The following ZNF232 variants were observed in gnomAD, a reference collection of about 807,000 sequenced individuals.
ZNF232 encodes zinc finger protein 232, also known as zinc finger and SCAN domain-containing protein 11.
A neutral mutation model predicts 25.2 loss-of-function variants in ZNF232; 25 were observed. The observed-to-expected ratio is 0.99, with a 90% CI of 0.72 to 1.39. ZNF232 has a LOEUF of 1.39. Ranked by LOEUF, ZNF232 falls within the 40% of genes most tolerant of loss-of-function variation. The pLI, the probability that ZNF232 is intolerant of heterozygous loss-of-function variation, is 0.00. For missense variants in ZNF232, 519 were observed against 520.9 expected (o/e 1.00, Z 0.04); for synonymous variants, 193 against 182.9 (o/e 1.06, Z -0.45).
upstream of ZNF232, chr17:5,114,812 G>A (rs2072491106): frequency 6.6e-6 from 1 of 152,174 alleles, no homozygotes; most frequent in Non-Finnish European, 1.5e-5. Flanking sequence ...CCTGGCAGCA[G>A]TGTGAGACTC....
chr17:5,111,829 G>GCTGCCGCGAATCGCGCCA, exon 1 of ZNF232: 1 of 1,613,780 alleles, frequency 6.2e-7, no homozygotes, highest in Non-Finnish European at 8.5e-7. Context: ...CCATCGGGGC[G>GCTGCCGCGAATCGCGCCA]CTGCCGCGAA....
chr17:5,108,857 G>A, intron 3 of ZNF232, 69 bp downstream of exon 3: 1 of 1,606,610 alleles, frequency 6.2e-7, no homozygotes, highest in Non-Finnish European at 8.5e-7. Context: ...ACCCTTTACA[G>A]GTACTAGGTA....
upstream of ZNF232, among the ~76,000 whole-genome samples, chr17:5,115,551 CAA>C (rs1473380150): frequency 1.4e-5 from 1 of 69,934 alleles, no homozygotes; most frequent in Non-Finnish European, 3.6e-5. Context: ...ACTCCGTCTC[CAA>C]AAACACACAC....
intron 3 of ZNF232, among the ~76,000 whole-genome samples, chr17:5,108,441 G>A (rs7224929): frequency 0.099 from 15,012 of 151,892 alleles, 1,628 homozygotes; most frequent in South Asian, 0.47. Flanking sequence ...AGGAAGAGGT[G>A]GTAAAGGTGA....
chr17:5,109,229 C>T (rs779756714), intron 2 of ZNF232, 165 bp downstream of exon 2: 4 of 1,224,306 alleles, frequency 3.3e-6, no homozygotes, highest in Non-Finnish European at 4.7e-6. Context: ...GTCTCTTTCT[C>T]ATTCAGGGCT....
Position 5,111,792 on chromosome 17 carries a change from A to C in ZNF232, c.23+8T>G. ...GTGGACCTCGGGGAAGCCGCCGCCA[A>C]CACTCACCTCACAGGACCAGGAGGT... is the stretch of plus-strand genomic sequence containing the variant. On this transcript the variant is annotated splice_region_variant and intron_variant, in intron 1 of 3. Coordinates refer to ENST00000575898, the Ensembl canonical transcript of ZNF232. 6.2e-7 allele frequency: 1 copy of C among 1,613,826 alleles called. No homozygotes were observed. Among genetic ancestry groups the C allele is most frequent in the East Asian group, 2.2e-5 (1 of 44,856 alleles).
At chr17:5,106,026 T>C (rs770888012) in exon 4 of ZNF232, 3 of 1,614,188 alleles carry the variant, frequency 1.9e-6, no homozygotes, top group Non-Finnish European at 2.5e-6. Context: ...GTGAATCCTC[T>C]GATGCTGAAC....
intron 1 of ZNF232, chr17:5,111,314 G>C (rs781757939): frequency 9.0e-5 from 15 of 166,180 alleles, no homozygotes. Context: ...TTGGGGTCCT[G>C]AGATTTTATT....
chr17:5,111,922 C>G, upstream of ZNF232: 1 of 1,510,692 alleles, frequency 6.6e-7, no homozygotes, highest in Non-Finnish European at 8.9e-7. Flanking sequence ...CCAGAATCCT[C>G]CTCGCCGCCG....
upstream of ZNF232, chr17:5,112,012 A>G (rs1034652941): frequency 1.2e-4 from 101 of 844,258 alleles, no homozygotes; most frequent in Middle Eastern, 1.2e-3. Context: ...CCTGGACTTG[A>G]GCGGAGCGAG....
chr17:5,115,680 G>T (rs1222954983), upstream of ZNF232, among the ~76,000 whole-genome samples: 1 of 152,118 alleles, frequency 6.6e-6, no homozygotes, highest in Non-Finnish European at 1.5e-5. Context: ...TCAAACCCCG[G>T]AGAAATTTCG....
At chr17:5,112,847 C>T (rs1411429385), upstream of ZNF232, among the ~76,000 whole-genome samples, 1 of 151,734 alleles carries the variant, frequency 6.6e-6, no homozygotes. Flanking sequence ...CGCCTGTAGT[C>T]CCCACTACTC....
intron 1 of ZNF232, among the ~76,000 whole-genome samples, chr17:5,122,170 T>G (rs1256705518): frequency 1.3e-5 from 2 of 151,526 alleles, no homozygotes; most frequent in African/African-American, 2.4e-5. Context: ...AGGAAGGTGG[T>G]GCACGCAGAA....
chr17:5,120,497 G>A (rs2072629901), intron 1 of ZNF232: 1 of 327,228 alleles, frequency 3.1e-6, no homozygotes, highest in South Asian at 2.6e-5. Flanking sequence ...GTGAGGAGCT[G>A]TTGGCCTATC....
At chr17:5,111,632 G>T in intron 1 of ZNF232, 168 bp downstream of exon 1, 1 of 963,866 alleles carries the variant, frequency 1.0e-6, no homozygotes, top group Non-Finnish European at 1.5e-6. Context: ...GTGACGCGAC[G>T]CAACGCAGGT....
chr17:5,108,720 T>C (rs2072321339), intron 3 of ZNF232: 2 of 652,998 alleles, frequency 3.1e-6, no homozygotes, highest in African/African-American at 3.7e-5. Flanking sequence ...TCCTCAGAGC[T>C]ATCTTATGAG....
At chr17:5,106,593 T>C in intron 3 of ZNF232, 60 bp from the exon 4 acceptor site, 4 of 1,402,642 alleles carry the variant, frequency 2.9e-6, no homozygotes, top group Non-Finnish European at 3.9e-6. Flanking sequence ...TGAAAACAAA[T>C]GCTTAAAAAC....
chr17:5,114,190 C>T (rs1421467530), upstream of ZNF232: 2 of 152,340 alleles, frequency 1.3e-5, no homozygotes, highest in East Asian at 1.9e-4. Flanking sequence ...TTTGGTGCTG[C>T]ATTAGACCTG....
intron 1 of ZNF232, among the ~76,000 whole-genome samples, chr17:5,110,687 A>C (rs946004095): frequency 7.2e-5 from 11 of 152,220 alleles, no homozygotes; most frequent in Non-Finnish European, 1.5e-4. Context: ...GCAGCTATGA[A>C]CAAGTCTCGG....
Sources: gnomAD v4.1 joint callset for allele counts (sites outside exome capture counted in the v4.1 genomes callset) on GRCh38, gnomAD v4.1.1 for gene constraint, MANE v1.5 for transcripts, NCBI Gene and HGNC (gene_info 2026-07-23, HGNC 2026-07-21) for gene names.